Variants in TNFRSF21 observed in about 807,000 individuals in gnomAD.
The protein encoded by TNFRSF21 is TNF receptor superfamily member 21, also known as tumor necrosis factor receptor superfamily member 21.
TNFRSF21 carries 19 observed loss-of-function variants against 45.6 expected under a neutral mutation model. The observed-to-expected ratio is 0.42, with a 90% CI of 0.29 to 0.61. The LOEUF is 0.61. Among genes scored for constraint, TNFRSF21 ranks in the 20% least tolerant of loss-of-function variants. TNFRSF21 has a pLI of 0.23. For missense variants in TNFRSF21, 737 were observed against 851.5 expected, an observed-to-expected ratio of 0.87 and a Z score of 1.67; for synonymous variants, 314 against 335.5, an observed-to-expected ratio of 0.94 and a Z score of 0.70.
chr6:47,268,907 G>A (rs148719464), intron 3 of TNFRSF21, among the ~76,000 whole-genome samples: 1,773 of 152,206 alleles, frequency 0.012, 22 homozygotes, highest in Non-Finnish European at 0.02. Flanking sequence ...CTAGGTTTTT[G>A]CAATCGCCTG....
At chr6:47,261,757 A>G (rs979608599) in intron 3 of TNFRSF21, among the ~76,000 whole-genome samples, 1 of 152,174 alleles carries the variant, frequency 6.6e-6, no homozygotes, top group Non-Finnish European at 1.5e-5. Context: ...CTGCAGCAAA[A>G]TCCTTCTGCT....
At chr6:47,288,669 G>T (rs1762680920) in intron 1 of TNFRSF21, among the ~76,000 whole-genome samples, 1 of 152,094 alleles carries the variant, frequency 6.6e-6, no homozygotes, top group Admixed American at 6.5e-5. Flanking sequence ...CTAGGACAAG[G>T]CAACTGGGAA....
chr6:47,281,072 A>G (rs1156440920), intron 3 of TNFRSF21, among the ~76,000 whole-genome samples: 2 of 152,176 alleles, frequency 1.3e-5, no homozygotes, highest in East Asian at 3.8e-4. Context: ...GAGAAAAAAA[A>G]GTATATTATC....
Position 47,270,760 on chromosome 6 carries a change from A to G in TNFRSF21, c.1243+13178T>C, listed in dbSNP as rs554639102. 5.9e-5 allele frequency among the ~76,000 whole-genome samples: 9 copies of G among 152,228 alleles called. No individual in the cohort carries two copies. In the South Asian group the frequency reaches 1.5e-3, roughly 25 times the overall value. On this transcript the variant is annotated intron_variant, in intron 3 of 5. Transcript: ENST00000296861. Reference sequence around the variant, plus strand: ...TTGAACCTATCGCAAGGAAGCTAAAAACCTTGAAAAAAAAGTTAGACTAAT... The same window carrying G: ...TTGAACCTATCGCAAGGAAGCTAAAGACCTTGAAAAAAAAGTTAGACTAAT...
intron 3 of TNFRSF21, among the ~76,000 whole-genome samples, chr6:47,273,104 A>G (rs1166719711): frequency 6.6e-6 from 1 of 152,214 alleles, no homozygotes; most frequent in East Asian, 1.9e-4. Flanking sequence ...AGCTGGTACC[A>G]TTCCTTCTGA....
intron 3 of TNFRSF21, among the ~76,000 whole-genome samples, chr6:47,258,646 C>A (rs897768107): frequency 6.6e-6 from 1 of 152,036 alleles, no homozygotes; most frequent in Non-Finnish European, 1.5e-5. Context: ...GCCATGTTGG[C>A]CAGGCTGATC....
intron 3 of TNFRSF21, 58 bp from the exon 4 acceptor site, chr6:47,253,579 A>T: frequency 8.9e-6 from 14 of 1,569,616 alleles, no homozygotes; most frequent in Non-Finnish European, 1.1e-5. Flanking sequence ...CTTCTTACAT[A>T]AGGCAGCTCT....
intron 3 of TNFRSF21, among the ~76,000 whole-genome samples, chr6:47,281,960 G>A (rs1762573008): frequency 1.3e-5 from 2 of 151,984 alleles, no homozygotes; most frequent in South Asian, 4.1e-4. Flanking sequence ...GTTTGCCTCT[G>A]CCCGACTTTC....
rs755837852 is a variant in TNFRSF21, at chr6:47,253,212, G to A, written c.1509+44C>T. 3.1e-6 allele frequency: 5 copies of A among 1,595,092 alleles called. No individual in the cohort carries two copies. The South Asian group carries it at 4.5e-5, about 14-fold the overall frequency. On this transcript the variant is annotated intron_variant, in intron 4 of 5. Transcript: ENST00000296861. ...CAACTGATAAAATTTGAAGCATAGG[G>A]GCAATAGGTCGGTGGTAATGACACA...
chr6:47,250,105 T>A (rs1036033363), intron 4 of TNFRSF21, among the ~76,000 whole-genome samples: 9 of 152,148 alleles, frequency 5.9e-5, no homozygotes, highest in Admixed American at 1.3e-4. Context: ...TATCAAAAGC[T>A]ATCAGACTAG....
At chr6:47,234,550 G>A in intron 5 of TNFRSF21, 120 bp downstream of exon 5, 1 of 808,172 alleles carries the variant, frequency 1.2e-6, no homozygotes, top group East Asian at 2.8e-5. Flanking sequence ...GTCTTCCTGG[G>A]CAGGTAATTC....
rs1194042049 is a variant in TNFRSF21, at chr6:47,232,592, A to G, written c.*173T>C. 18 of 576,830 alleles carry G rather than the reference A, an allele frequency of 3.1e-5. No homozygotes were observed. The highest frequency in any genetic ancestry group is 5.1e-5 in the Non-Finnish European group (17 of 335,690). The allele number at this position is 576,830 out of a possible 1,614,324, so 35.7% of individuals were successfully genotyped here. On this transcript the variant is annotated 3_prime_UTR_variant, in exon 6 of 6. Coordinates refer to ENST00000296861, the MANE Select transcript of TNFRSF21 (RefSeq NM_014452.5). ...AAAAAAAGAGAGAGAGAGAAGGAGA[A>G]AGAACTCAAGCACTGGCCATATTCT...
At chr6:47,275,012 G>T (rs1476910858) in intron 3 of TNFRSF21, among the ~76,000 whole-genome samples, 1 of 152,202 alleles carries the variant, frequency 6.6e-6, no homozygotes, top group Non-Finnish European at 1.5e-5. Flanking sequence ...AGGATGTGGA[G>T]AAATAGGAAT....
chr6:47,240,011 C>T (rs894012709), intron 4 of TNFRSF21, among the ~76,000 whole-genome samples: 1 of 152,176 alleles, frequency 6.6e-6, no homozygotes, highest in African/African-American at 2.4e-5. Context: ...TAATTAATGA[C>T]TTTGATGCAT....
intron 4 of TNFRSF21, among the ~76,000 whole-genome samples, chr6:47,235,374 C>T (rs886153218): frequency 1.2e-4 from 18 of 152,010 alleles, no homozygotes; most frequent in African/African-American, 3.9e-4. Flanking sequence ...GGCTACACTC[C>T]GATATAACTG....
intron 4 of TNFRSF21, among the ~76,000 whole-genome samples, chr6:47,246,655 T>C (rs1677011019): frequency 6.6e-6 from 1 of 152,216 alleles, no homozygotes; most frequent in South Asian, 2.1e-4. Context: ...AAAAGCTTGC[T>C]ACTGAGCAAA....
intron 1 of TNFRSF21, among the ~76,000 whole-genome samples, chr6:47,293,604 G>C (rs1012925769): frequency 4.6e-5 from 7 of 152,156 alleles, no homozygotes; most frequent in Non-Finnish European, 7.3e-5. Context: ...AAAATACAGA[G>C]AGCAGAAGCT....
chr6:47,253,647 G>T, intron 3 of TNFRSF21, 126 bp from the exon 4 acceptor site: 1 of 1,139,390 alleles, frequency 8.8e-7, no homozygotes, highest in Non-Finnish European at 1.2e-6. Context: ...TCAAAGGAAT[G>T]CATTGCCTCC....
At chr6:47,262,328 C>G (rs902159052) in intron 3 of TNFRSF21, among the ~76,000 whole-genome samples, 1 of 152,222 alleles carries the variant, frequency 6.6e-6, no homozygotes, top group African/African-American at 2.4e-5. Context: ...AAACATCCCT[C>G]CTTCCTGCTT....
Sources: allele counts gnomAD v4.1 joint callset (sites outside exome capture counted in the v4.1 genomes callset), GRCh38; gene constraint gnomAD v4.1.1; transcripts MANE v1.5; gene names NCBI Gene and HGNC (gene_info 2026-07-23, HGNC 2026-07-21).